XRCC4: variants seen among roughly 807,000 people sequenced by gnomAD.
XRCC4 encodes DNA repair protein XRCC4.
In XRCC4, 28 loss-of-function variants were observed where a neutral mutation model predicts 39.1. That is an observed-to-expected ratio of 0.72 (90% CI 0.53 to 0.98). The LOEUF is 0.98. Ranked by LOEUF, XRCC4 falls within the 50% of genes least tolerant of loss-of-function variation. XRCC4 has a pLI of 0.00. For missense variants in XRCC4, 350 were observed against 376.4 expected (o/e 0.93, Z 0.58); for synonymous variants, 123 against 126.4 (o/e 0.97, Z 0.18).
chr5:83,190,410 T>A (rs1413034451), intron 3 of XRCC4, among the ~76,000 whole-genome samples: 1 of 152,224 alleles, frequency 6.6e-6, no homozygotes, highest in African/African-American at 2.4e-5. Flanking sequence ...AATTTTTCTC[T>A]GATGTGAATA....
At chr5:83,212,928 A>G (rs1310998056) in intron 6 of XRCC4, among the ~76,000 whole-genome samples, 1 of 149,652 alleles carries the variant, frequency 6.7e-6, no homozygotes, top group Non-Finnish European at 1.5e-5. Context: ...TTCCATCTAA[A>G]AAAAAAAAAA....
chr5:83,209,051 G>A lies in XRCC4; in HGVS notation c.745+4130G>A, dbSNP rs1319990733. Among the ~76,000 whole-genome samples, 4 of 150,180 alleles carry A rather than the reference G, an allele frequency of 2.7e-5. No homozygotes were observed. The South Asian group carries it at 8.4e-4, about 31-fold the overall frequency. Reference sequence around the variant, plus strand: ...GTACTTGTGGCCTTAAAGATTTCCTGCTTAGTCTGGACTCCTCCTGCCTCC... The same window carrying A: ...GTACTTGTGGCCTTAAAGATTTCCTACTTAGTCTGGACTCCTCCTGCCTCC... On this transcript the variant is annotated intron_variant, in intron 6 of 7. Transcript: ENST00000396027.
intron 3 of XRCC4, among the ~76,000 whole-genome samples, chr5:83,163,800 T>C (rs1022216759): frequency 2.6e-5 from 4 of 152,232 alleles, no homozygotes; most frequent in African/African-American, 9.6e-5. Context: ...ATTGTGTCTT[T>C]GTGGAGAAAT....
chr5:83,113,922 A>G (rs1314436523), intron 3 of XRCC4, among the ~76,000 whole-genome samples: 1 of 152,170 alleles, frequency 6.6e-6, no homozygotes, highest in African/African-American at 2.4e-5. Flanking sequence ...CACCGCACCC[A>G]GCGCAGACAT....
At chr5:83,266,227 T>G (rs1016783451) in intron 7 of XRCC4, among the ~76,000 whole-genome samples, 10 of 151,154 alleles carry the variant, frequency 6.6e-5, no homozygotes, top group African/African-American at 1.9e-4. Flanking sequence ...GGTTCAGTAT[T>G]AAAGGAAAAA....
At chr5:83,198,170 A>C (rs1289331648) in intron 4 of XRCC4, among the ~76,000 whole-genome samples, 1 of 152,122 alleles carries the variant, frequency 6.6e-6, no homozygotes, top group Non-Finnish European at 1.5e-5. Context: ...TGGGGCCATG[A>C]TGTTAAGCCT....
At chr5:83,142,147 TGTC>T (rs1389593692) in intron 3 of XRCC4, among the ~76,000 whole-genome samples, 1 of 152,138 alleles carries the variant, frequency 6.6e-6, no homozygotes, top group Non-Finnish European at 1.5e-5. Flanking sequence ...AGGGCCTTGT[TGTC>T]ATATTTCCCT....
At chr5:83,354,988 T>C (rs995102275), downstream of XRCC4, among the ~76,000 whole-genome samples, 3 of 152,128 alleles carry the variant, frequency 2.0e-5, no homozygotes, top group African/African-American at 7.2e-5. Flanking sequence ...TAATGAACCA[T>C]TGCCCTTTGA....
rs142525817 is a variant in XRCC4 at position 83,259,829 on chromosome 5, T to C, written c.893+1152T>C. ...AAAACTCTTGAGACCCTCAAAAATTTTTTAAAGTATAAAGTATTCCTGAGA... is the reference window on the plus strand; with the variant it reads ...AAAACTCTTGAGACCCTCAAAAATTCTTTAAAGTATAAAGTATTCCTGAGA... On this transcript the variant is annotated intron_variant, in intron 7 of 7. Coordinates refer to ENST00000396027, the MANE Select transcript of XRCC4 (RefSeq NM_003401.5). 6.6e-4 allele frequency among the ~76,000 whole-genome samples: 100 copies of C among 152,188 alleles called. 3 individuals carry two copies. In the East Asian group the frequency reaches 0.019, roughly 29 times the overall value.
intron 7 of XRCC4, among the ~76,000 whole-genome samples, chr5:83,299,355 T>C (rs1755198691): frequency 6.6e-6 from 1 of 152,092 alleles, no homozygotes; most frequent in African/African-American, 2.4e-5. Context: ...TTCTGAAGCT[T>C]CGACATGATA....
intron 7 of XRCC4, among the ~76,000 whole-genome samples, chr5:83,313,385 G>A (rs533635683): frequency 2.6e-5 from 4 of 151,980 alleles, no homozygotes; most frequent in Admixed American, 6.6e-5. Flanking sequence ...TTGGTAATGA[G>A]ATTTCAAAAA....
chr5:83,105,206 T>G, intron 2 of XRCC4, 148 bp downstream of exon 2: 1 of 730,530 alleles, frequency 1.4e-6, no homozygotes, highest in South Asian at 2.3e-5. Context: ...TTGTAATATT[T>G]AATGCCACTT....
At chr5:83,120,359 G>C (rs1746950798) in intron 3 of XRCC4, among the ~76,000 whole-genome samples, 1 of 152,070 alleles carries the variant, frequency 6.6e-6, no homozygotes, top group African/African-American at 2.4e-5. Flanking sequence ...TGTACTTATG[G>C]TGAGTATACA....
chr5:83,146,409 CT>C (rs1219457562), intron 3 of XRCC4, among the ~76,000 whole-genome samples: 1 of 152,156 alleles, frequency 6.6e-6, no homozygotes, highest in Non-Finnish European at 1.5e-5. Context: ...TCATACTTAC[CT>C]TTCCCAGTGG....
At chr5:83,166,936 C>A (rs956662092) in intron 3 of XRCC4, among the ~76,000 whole-genome samples, 1 of 151,542 alleles carries the variant, frequency 6.6e-6, no homozygotes, top group African/African-American at 2.4e-5. Context: ...GACTGGGGTG[C>A]GGTGACACAG....
At chr5:83,144,100 T>C (rs1748316387) in intron 3 of XRCC4, among the ~76,000 whole-genome samples, 2 of 152,136 alleles carry the variant, frequency 1.3e-5, no homozygotes, top group Admixed American at 1.3e-4. Context: ...TATATCACTC[T>C]ATATGTCTTT....
chr5:83,115,493 T>C (rs1746669032), intron 3 of XRCC4, among the ~76,000 whole-genome samples: 1 of 152,094 alleles, frequency 6.6e-6, no homozygotes, highest in African/African-American at 2.4e-5. Context: ...AGCCAAACCA[T>C]ATCAGCCTGG....
chr5:83,258,568 G>C lies in XRCC4; in HGVS notation c.784G>C (p.Asp262His). The C allele has an allele frequency of 6.2e-7, 1 of 1,608,560 alleles. No individual in the cohort carries two copies. The change falls in exon 7 of 8, where the codon GAT (aspartate) becomes CAT (histidine). Residue 262 changes from aspartate to histidine, a missense_variant. Asp to His is a moderately conservative substitution (Grantham distance 81). Transcript: ENST00000396027. The stretch of plus-strand genomic sequence containing the variant: ...AGATGATTCCATTATTTCAAGTCTT[G>C]ATGTCACTGATATTGCACCAAGTAG... Reference protein sequence around the residue: ...SKDDSIISSLDVTDIAPSRKR... With the variant: ...SKDDSIISSLHVTDIAPSRKR...
At chr5:83,336,780 G>A (rs1756607090) in intron 7 of XRCC4, among the ~76,000 whole-genome samples, 1 of 152,108 alleles carries the variant, frequency 6.6e-6, no homozygotes, top group Admixed American at 6.6e-5. Context: ...CATTAGGTTT[G>A]AAACGCCATT....
Sources: gnomAD v4.1 joint callset for allele counts (sites outside exome capture counted in the v4.1 genomes callset) on GRCh38, gnomAD v4.1.1 for gene constraint, MANE v1.5 for transcripts, NCBI Gene and HGNC (gene_info 2026-07-23, HGNC 2026-07-21) for gene names.